BCKDHB: variants seen among roughly 807,000 people sequenced by gnomAD.
BCKDHB encodes the protein branched chain keto acid dehydrogenase E1 subunit beta.
Under a neutral mutation model 48.5 loss-of-function variants are expected in BCKDHB, and 41 were observed. The ratio of observed to expected loss-of-function variants is 0.85; its 90% CI spans 0.66 to 1.10. The LOEUF (loss-of-function observed/expected upper bound fraction) is 1.10, where lower values mean the gene tolerates loss of function less well. BCKDHB is among the 50% of genes least tolerant of loss of function. The pLI is 0.00. For missense variants in BCKDHB, 496 were observed against 494.2 expected (o/e 1.00, Z -0.03); for synonymous variants, 201 against 174.8 (o/e 1.15, Z -1.18).
chr6:80,460,015 T>C, the BCKDHB span, among the ~76,000 whole-genome samples: 2 of 152,110 alleles, frequency 1.3e-5, no homozygotes, highest in African/African-American at 4.8e-5. Context: ...TCCATAGTTT[T>C]TGAGGATTGT....
intron 9 of BCKDHB, among the ~76,000 whole-genome samples, chr6:80,322,896 CT>C (rs34177726): frequency 0.4 from 45,795 of 115,186 alleles, 5,778 homozygotes; most frequent in Admixed American, 0.52. Context: ...TTTCTTTTTT[CT>C]TTTTTTTTTT....
chr6:80,177,359 T>G (rs1331000152), intron 6 of BCKDHB, among the ~76,000 whole-genome samples: 2 of 138,234 alleles, frequency 1.4e-5, no homozygotes, highest in South Asian at 4.5e-4. Flanking sequence ...AAGAAAAATA[T>G]AATAAAAATC....
At chr6:80,323,886 T>C (rs948583264) in intron 9 of BCKDHB, among the ~76,000 whole-genome samples, 5 of 152,060 alleles carry the variant, frequency 3.3e-5, no homozygotes, top group South Asian at 2.1e-4. Context: ...CATTCTCCTG[T>C]CTCAGCCTCC....
At chr6:80,283,461 T>A (rs1275154541) in intron 9 of BCKDHB, among the ~76,000 whole-genome samples, 1 of 152,116 alleles carries the variant, frequency 6.6e-6, no homozygotes, top group Admixed American at 6.6e-5. Flanking sequence ...AAAGGTGCAT[T>A]CATACCAAGC....
chr6:80,216,147 T>G (rs1471406153), intron 8 of BCKDHB, among the ~76,000 whole-genome samples: 1 of 152,174 alleles, frequency 6.6e-6, no homozygotes, highest in Non-Finnish European at 1.5e-5. Context: ...GTTCTTCTAA[T>G]TAGACATCAG....
the BCKDHB span, among the ~76,000 whole-genome samples, chr6:80,403,484 T>A: frequency 6.6e-6 from 1 of 151,914 alleles, no homozygotes; most frequent in Non-Finnish European, 1.5e-5. Context: ...TTTGGTGGAT[T>A]CTTTAGGGTT....
intron 8 of BCKDHB, among the ~76,000 whole-genome samples, chr6:80,218,412 C>T (rs1775268573): frequency 6.6e-6 from 1 of 152,142 alleles, no homozygotes; most frequent in Non-Finnish European, 1.5e-5. Flanking sequence ...CACGCACATG[C>T]ACTCATGCAC....
intron 3 of BCKDHB, among the ~76,000 whole-genome samples, chr6:80,153,585 C>A (rs980513046): frequency 1.3e-5 from 2 of 152,164 alleles, no homozygotes; most frequent in African/African-American, 2.4e-5. Context: ...ACGTGCCTCT[C>A]AACTAACAAC....
intron 3 of BCKDHB, among the ~76,000 whole-genome samples, chr6:80,143,918 C>A (rs940717887): frequency 6.6e-6 from 1 of 152,124 alleles, no homozygotes; most frequent in Non-Finnish European, 1.5e-5. Flanking sequence ...CGTTTCTGGG[C>A]ATGCTGTTCA....
downstream of BCKDHB, among the ~76,000 whole-genome samples, chr6:80,347,078 CCTAT>C (rs774052481): frequency 5.3e-5 from 8 of 150,814 alleles, no homozygotes; most frequent in Admixed American, 3.3e-4. Flanking sequence ...CAAGTTGTGT[CCTAT>C]CTATTTTTAC....
intron 8 of BCKDHB, among the ~76,000 whole-genome samples, chr6:80,206,004 G>T (rs913641194): frequency 2.4e-4 from 37 of 152,160 alleles, no homozygotes; most frequent in African/African-American, 8.4e-4. Context: ...TGGGGCTGTA[G>T]TGACAAAATT....
At chr6:80,367,192 C>T in the BCKDHB span, among the ~76,000 whole-genome samples, 7 of 152,058 alleles carry the variant, frequency 4.6e-5, no homozygotes, top group African/African-American at 1.4e-4. Context: ...CAATATAATT[C>T]TGTTTCTTTT....
At chr6:80,351,108 T>C (rs967059226), downstream of BCKDHB, among the ~76,000 whole-genome samples, 12 of 152,318 alleles carry the variant, frequency 7.9e-5, no homozygotes, top group South Asian at 2.1e-3. Context: ...CTAGTTCTTA[T>C]TTATTACATC....
At chr6:80,286,857 T>G (rs1315788125) in intron 9 of BCKDHB, among the ~76,000 whole-genome samples, 8 of 152,200 alleles carry the variant, frequency 5.3e-5, no homozygotes, top group Admixed American at 2.6e-4. Flanking sequence ...TTTATCTTTT[T>G]ATGACATATA....
intron 4 of BCKDHB, among the ~76,000 whole-genome samples, chr6:80,168,228 T>A (rs1562103281): frequency 6.6e-6 from 1 of 151,678 alleles, no homozygotes. Context: ...AAGGCTACAA[T>A]GAACTGTGAT....
chr6:80,232,699 ATATAT>A (rs1037305233), intron 8 of BCKDHB, among the ~76,000 whole-genome samples: 4 of 148,298 alleles, frequency 2.7e-5, no homozygotes, highest in Admixed American at 2.0e-4. Flanking sequence ...TAAATATTTA[ATATAT>A]TTAATATTAT....
intron 8 of BCKDHB, among the ~76,000 whole-genome samples, chr6:80,235,596 G>A (rs980459654): frequency 2.4e-4 from 36 of 152,234 alleles, no homozygotes; most frequent in African/African-American, 8.7e-4. Context: ...CCATGTTCTT[G>A]ATCTTTGAGG....
the BCKDHB span, among the ~76,000 whole-genome samples, chr6:80,394,604 G>A: frequency 6.6e-6 from 1 of 152,158 alleles, no homozygotes; most frequent in African/African-American, 2.4e-5. Context: ...AACTCTGTGT[G>A]TGGTGTGGGA....
the BCKDHB span, among the ~76,000 whole-genome samples, chr6:80,438,162 C>T: frequency 6.6e-6 from 1 of 152,220 alleles, no homozygotes; most frequent in African/African-American, 2.4e-5. Flanking sequence ...CCTCAGATCA[C>T]ATACACACTA....
Sources: allele counts gnomAD v4.1 joint callset (sites outside exome capture counted in the v4.1 genomes callset), GRCh38; gene constraint gnomAD v4.1.1; transcripts MANE v1.5; gene names NCBI Gene and HGNC (gene_info 2026-07-23, HGNC 2026-07-21).